The following CFAP47 variants were observed in gnomAD, a reference collection of about 807,000 sequenced individuals.
CFAP47 encodes the protein cilia and flagella associated protein 47.
In CFAP47, 29 loss-of-function variants were observed where a neutral mutation model predicts 148.1. The observed-to-expected ratio is 0.20, with a 90% CI of 0.15 to 0.27. The LOEUF (loss-of-function observed/expected upper bound fraction) is 0.27. Among genes scored for constraint, CFAP47 ranks in the 10% least tolerant of loss-of-function variants. CFAP47 has a pLI of 1.00. For missense variants in CFAP47, 1,872 were observed against 1,697.5 expected, an observed-to-expected ratio of 1.10 and a Z score of -1.81; for synonymous variants, 664 against 577.3, an observed-to-expected ratio of 1.15 and a Z score of -2.15.
chrX:36,376,729 T>C (rs1018792386), intron 62 of CFAP47, among the ~76,000 whole-genome samples: 4 of 109,465 alleles, frequency 3.7e-5, no homozygotes. Context: ...ACCCATTAAC[T>C]CATCATTTAA....
At chrX:36,344,887 A>G (rs782246722) in intron 57 of CFAP47, among the ~76,000 whole-genome samples, 9 of 111,924 alleles carry the variant, frequency 8.0e-5, no homozygotes, top group African/African-American at 1.3e-4. Flanking sequence ...TCCATAAACT[A>G]TACTCTTAAT....
Position 36,134,371 on chromosome X carries a change from G to A in CFAP47, c.5321-3587G>A, listed in dbSNP as rs142129325. Among the ~76,000 whole-genome samples, 789 of 111,098 alleles carry A rather than the reference G, an allele frequency of 7.1e-3. 4 individuals carry two copies. Among genetic ancestry groups the A allele is most frequent in the Middle Eastern group, 0.023 (5 of 217 alleles). ...ATAGCCAAAACAATTTTGAAAAGGC[G>A]GAAGAAATTCTGAAACTACGATAAT... is the stretch of plus-strand genomic sequence containing the variant. On this transcript the variant is annotated intron_variant, in intron 33 of 63. Coordinates refer to ENST00000378653, the MANE Select transcript of CFAP47 (RefSeq NM_001304548.2).
At chrX:35,987,515 T>C (rs970912264) in intron 15 of CFAP47, among the ~76,000 whole-genome samples, 1 of 111,694 alleles carries the variant, frequency 9.0e-6, no homozygotes, top group Non-Finnish European at 1.9e-5. Context: ...CAGTGAGAAT[T>C]TCAAGCCAAT....
intron 49 of CFAP47, among the ~76,000 whole-genome samples, chrX:36,264,659 C>CT (rs1317829890): frequency 8.9e-6 from 1 of 112,042 alleles, no homozygotes; most frequent in Non-Finnish European, 1.9e-5. Context: ...AGACTCAAGA[C>CT]TTTTTTTCTA....
chrX:36,315,295 C>T (rs189795888), intron 56 of CFAP47, among the ~76,000 whole-genome samples: 2 of 112,184 alleles, frequency 1.8e-5, no homozygotes, highest in Admixed American at 1.9e-4. Context: ...TGCATTACAA[C>T]AAACTTACCA....
intron 39 of CFAP47, among the ~76,000 whole-genome samples, chrX:36,172,577 T>C (rs1217047259): frequency 9.0e-6 from 1 of 110,785 alleles, no homozygotes; most frequent in Non-Finnish European, 1.9e-5. Flanking sequence ...TTGTCTTTGG[T>C]TCTGTTTATA....
At chrX:35,971,029 C>A in intron 11 of CFAP47, 106 bp downstream of exon 11, 1 of 565,875 alleles carries the variant, frequency 1.8e-6, no homozygotes, top group Non-Finnish European at 2.7e-6. Context: ...TTGTAAACTA[C>A]ATTTCAATAC....
rs1168491783 is a variant in CFAP47, at chrX:36,283,686, G to A, written c.7589-1943G>A. Among the ~76,000 whole-genome samples the A allele has an allele frequency of 2.7e-5, 3 of 111,714 alleles. No individual in the cohort carries two copies. In the East Asian group the frequency reaches 8.5e-4, roughly 31 times the overall value. On this transcript the variant is annotated intron_variant, in intron 50 of 63. Coordinates refer to ENST00000378653, the MANE Select transcript of CFAP47 (RefSeq NM_001304548.2). ...ATACTTCAGATTTTGGATTTACCAA[G>A]CCTCCACAGTTGTGTGAGCCAATTT...
At chrX:36,369,606 C>G (rs1385681132) in intron 62 of CFAP47, among the ~76,000 whole-genome samples, 2 of 111,254 alleles carry the variant, frequency 1.8e-5, no homozygotes, top group African/African-American at 6.5e-5. Context: ...GCTGGATGAT[C>G]AAAATAACTT....
intron 46 of CFAP47, among the ~76,000 whole-genome samples, chrX:36,234,913 G>T (rs782275051): frequency 8.9e-6 from 1 of 111,735 alleles, no homozygotes; most frequent in Admixed American, 9.5e-5. Flanking sequence ...ACCAGCAGCG[G>T]TGGCTGCAGA....
intron 48 of CFAP47, among the ~76,000 whole-genome samples, chrX:36,243,827 AG>A (rs1490306447): frequency 8.3e-5 from 9 of 108,157 alleles, no homozygotes; most frequent in African/African-American, 3.0e-4. Flanking sequence ...TTTAGAAAGA[AG>A]TCCTGAACTT....
At chrX:36,095,460 A>G (rs1373384182) in intron 30 of CFAP47, among the ~76,000 whole-genome samples, 1 of 111,688 alleles carries the variant, frequency 9.0e-6, no homozygotes, top group African/African-American at 3.2e-5. Context: ...TAGGGTTGGT[A>G]TTAGTTCTTC....
chrX:36,301,203 G>A, intron 53 of CFAP47, 24 bp downstream of exon 53: 3 of 867,336 alleles, frequency 3.5e-6, no homozygotes, highest in Non-Finnish European at 4.9e-6. Context: ...AATAGATAAA[G>A]TTATTGCTTG....
intron 45 of CFAP47, among the ~76,000 whole-genome samples, chrX:36,228,003 G>A (rs1270372331): frequency 2.7e-5 from 3 of 111,380 alleles, no homozygotes; most frequent in Admixed American, 1.9e-4. Flanking sequence ...TGTTGTAACG[G>A]GGTGTTATGA....
At chrX:36,025,238 T>C (rs1937202827) in intron 22 of CFAP47, among the ~76,000 whole-genome samples, 1 of 111,668 alleles carries the variant, frequency 9.0e-6, no homozygotes, top group African/African-American at 3.3e-5. Context: ...AGTGCATACA[T>C]GTTAAAGGTT....
chrX:36,371,660 GTATATACACACATGTGTA>G lies in CFAP47; in HGVS notation c.9185+4539_9185+4556del, dbSNP rs1556021491. On this transcript the variant is annotated intron_variant, in intron 62 of 63. Transcript: ENST00000378653. The stretch of plus-strand genomic sequence containing the variant: ...TACACACATATGTGTATATATGTGT[GTATATACACACATGTGTA>G]TATATGTGTGTATATACACACATGT... 3.7e-4 allele frequency among the ~76,000 whole-genome samples: 29 copies of G among 78,030 alleles called. 1 individual carries two copies. Among genetic ancestry groups the G allele is most frequent in the African/African-American group, 1.3e-3 (24 of 17,963 alleles). 67.8% of individuals were successfully genotyped at this position (78,030 alleles called of 115,157 possible).
At chrX:36,239,282 G>T (rs782695375) in intron 48 of CFAP47, among the ~76,000 whole-genome samples, 1 of 112,175 alleles carries the variant, frequency 8.9e-6, no homozygotes, top group African/African-American at 3.2e-5. Flanking sequence ...TGTCAAAATC[G>T]AATTTTTCAG....
At chrX:35,952,887 C>G (rs752017188) in intron 6 of CFAP47, among the ~76,000 whole-genome samples, 10 of 111,700 alleles carry the variant, frequency 9.0e-5, no homozygotes, top group Admixed American at 4.8e-4. Flanking sequence ...GATTTGAAGT[C>G]TTAGTTAAAT....
chrX:36,374,755 TCCATGAGG>T, intron 62 of CFAP47: 2 of 531,549 alleles, frequency 3.8e-6, no homozygotes, highest in Non-Finnish European at 6.1e-6. Context: ...TATTTTTTTT[TCCATGAGG>T]CATTTTATTT....
Sources: gnomAD v4.1 joint callset for allele counts (sites outside exome capture counted in the v4.1 genomes callset) on GRCh38, gnomAD v4.1.1 for gene constraint, MANE v1.5 for transcripts, NCBI Gene and HGNC (gene_info 2026-07-23, HGNC 2026-07-21) for gene names.